Variants in GAREM1 observed in about 807,000 individuals in gnomAD.
GAREM1 encodes the protein GRB2-associated and regulator of MAPK protein 1.
A neutral mutation model predicts 71.3 loss-of-function variants in GAREM1; 26 were observed. That is an observed-to-expected ratio of 0.36 (90% CI 0.27 to 0.51). The LOEUF (loss-of-function observed/expected upper bound fraction) is 0.51, where lower values mean the gene tolerates loss of function less well. Among genes scored for constraint, GAREM1 ranks in the 20% least tolerant of loss-of-function variants. The pLI is 0.95. For missense variants in GAREM1, 1,026 were observed against 1,103.1 expected (o/e 0.93, Z 0.99); for synonymous variants, 440 against 433.2 (o/e 1.02, Z -0.20).
rs139975123 is a variant in GAREM1, at chr18:32,364,515, C to A, written c.262+28380G>T. ...GACAAGCAAAATCTAAAAGCAAGAA[C>A]TATATTTATTGATTTTATAAAAGTC... is the stretch of plus-strand genomic sequence containing the variant. On this transcript the variant is annotated intron_variant, in intron 2 of 5. Coordinates refer to ENST00000269209, the MANE Select transcript of GAREM1 (RefSeq NM_001242409.2). Among the ~76,000 whole-genome samples, 1,503 of 152,166 alleles carry A rather than the reference C, an allele frequency of 9.9e-3. 22 individuals are homozygous for A. Among genetic ancestry groups the A allele is most frequent in the Middle Eastern group, 0.021 (6 of 292 alleles).
At chr18:32,452,782 A>G (rs2048851821) in intron 1 of GAREM1, among the ~76,000 whole-genome samples, 1 of 151,894 alleles carries the variant, frequency 6.6e-6, no homozygotes, top group African/African-American at 2.4e-5. Flanking sequence ...CCATCAGCCT[A>G]CTGATGAATG....
chr18:32,416,890 G>C (rs555516890), intron 1 of GAREM1, among the ~76,000 whole-genome samples: 2 of 152,170 alleles, frequency 1.3e-5, no homozygotes, highest in South Asian at 4.1e-4. Context: ...AAGTAAGAAG[G>C]CTTTTTGCAC....
intron 2 of GAREM1, among the ~76,000 whole-genome samples, chr18:32,347,836 A>G (rs2047711049): frequency 6.6e-6 from 1 of 152,186 alleles, no homozygotes; most frequent in Non-Finnish European, 1.5e-5. Flanking sequence ...ACCATCTTGT[A>G]TATCCTTTCA....
intron 3 of GAREM1, among the ~76,000 whole-genome samples, chr18:32,308,634 G>A (rs1005161378): frequency 6.7e-6 from 1 of 149,582 alleles, no homozygotes; most frequent in Admixed American, 6.7e-5. Flanking sequence ...AATGAGTCTA[G>A]GTATGTTTAA....
chr18:32,444,005 A>C (rs2048764972), intron 1 of GAREM1, among the ~76,000 whole-genome samples: 1 of 152,192 alleles, frequency 6.6e-6, no homozygotes, highest in African/African-American at 2.4e-5. Context: ...CAGTGTAAGA[A>C]GTCAGTCACA....
rs554220408 is a variant in GAREM1 at position 32,446,976 on chromosome 18, C to T, written c.121+23332G>A. On this transcript the variant is annotated intron_variant, in intron 1 of 5. Coordinates refer to ENST00000269209, the MANE Select transcript of GAREM1 (RefSeq NM_001242409.2). ...CTTATTAAAGAACGTTTACTGTATA[C>T]ATCATCCCAGCAGGCTCAACTGCCA... is the stretch of plus-strand genomic sequence containing the variant. 9.2e-5 allele frequency among the ~76,000 whole-genome samples: 14 copies of T among 152,318 alleles called. No homozygotes were observed. In the Middle Eastern group the frequency reaches 0.017, roughly 185 times the overall value.
intron 1 of GAREM1, among the ~76,000 whole-genome samples, chr18:32,420,438 A>G (rs894529003): frequency 6.6e-5 from 10 of 150,840 alleles, no homozygotes; most frequent in Middle Eastern, 3.2e-3. Flanking sequence ...ACACATCTCT[A>G]CCTCCCGGGA....
chr18:32,298,505 A>G (rs1184442565), intron 3 of GAREM1, among the ~76,000 whole-genome samples: 3 of 152,162 alleles, frequency 2.0e-5, no homozygotes, highest in Non-Finnish European at 4.4e-5. Flanking sequence ...GAAGTAATTC[A>G]AAGTGTGTTA....
chr18:32,394,266 G>C (rs2048230345), intron 1 of GAREM1, among the ~76,000 whole-genome samples: 1 of 152,112 alleles, frequency 6.6e-6, no homozygotes, highest in Non-Finnish European at 1.5e-5. Flanking sequence ...GTCGGGTGTG[G>C]TGGCATATAT....
chr18:32,364,007 TATATATATATATATATA>T (rs2047895702), intron 2 of GAREM1, among the ~76,000 whole-genome samples: 1 of 48,048 alleles, frequency 2.1e-5, no homozygotes, highest in African/African-American at 1.0e-4. Flanking sequence ...TATATATATA[TATATATATATATATATA>T]TATGTTTTTT....
At chr18:32,445,477 C>T (rs2048777696) in intron 1 of GAREM1, among the ~76,000 whole-genome samples, 1 of 152,012 alleles carries the variant, frequency 6.6e-6, no homozygotes, top group African/African-American at 2.4e-5. Context: ...ATACTCCCCC[C>T]TAGAACCCCA....
intron 1 of GAREM1, among the ~76,000 whole-genome samples, chr18:32,400,019 C>A (rs1194523387): frequency 6.6e-6 from 1 of 152,188 alleles, no homozygotes; most frequent in Non-Finnish European, 1.5e-5. Context: ...AATAATACCA[C>A]ACATCTATAA....
intron 2 of GAREM1, 144 bp downstream of exon 2, chr18:32,392,751 T>C: frequency 1.3e-6 from 1 of 792,980 alleles, no homozygotes; most frequent in Non-Finnish European, 1.9e-6. Context: ...AATCTGAGCT[T>C]TCACTGATCA....
At chr18:32,443,168 T>C (rs1207604613) in intron 1 of GAREM1, among the ~76,000 whole-genome samples, 1 of 152,152 alleles carries the variant, frequency 6.6e-6, no homozygotes, top group Non-Finnish European at 1.5e-5. Flanking sequence ...TACCCAAATG[T>C]ATGAGTTAAA....
At chr18:32,330,949 A>G (rs1481574589) in intron 2 of GAREM1, among the ~76,000 whole-genome samples, 2 of 152,220 alleles carry the variant, frequency 1.3e-5, no homozygotes, top group Non-Finnish European at 2.9e-5. Flanking sequence ...CACTCTTTAC[A>G]GTTCCATATA....
intron 1 of GAREM1, among the ~76,000 whole-genome samples, chr18:32,465,401 C>T (rs1320547929): frequency 6.6e-6 from 1 of 152,132 alleles, no homozygotes; most frequent in African/African-American, 2.4e-5. Flanking sequence ...TGTTTTTGCT[C>T]CTAGAGGCCA....
chr18:32,426,118 G>C (rs574608575), intron 1 of GAREM1, among the ~76,000 whole-genome samples: 3 of 151,946 alleles, frequency 2.0e-5, no homozygotes, highest in African/African-American at 2.4e-5. Context: ...TCCCAGGTTC[G>C]AGCAATTCTC....
intron 1 of GAREM1, among the ~76,000 whole-genome samples, chr18:32,425,703 A>C (rs1024334444): frequency 2.0e-5 from 3 of 152,244 alleles, no homozygotes; most frequent in Non-Finnish European, 4.4e-5. Context: ...AGCCAAACAA[A>C]GATATGTTGA....
chr18:32,466,793 G>T (rs1264272493), intron 1 of GAREM1, among the ~76,000 whole-genome samples: 2 of 152,168 alleles, frequency 1.3e-5, no homozygotes. Context: ...TTAAATATCT[G>T]ATCTTAATTG....
Sources: allele counts gnomAD v4.1 joint callset (sites outside exome capture counted in the v4.1 genomes callset), GRCh38; gene constraint gnomAD v4.1.1; transcripts MANE v1.5; gene names NCBI Gene and HGNC (gene_info 2026-07-23, HGNC 2026-07-21).